Variants in APBA2 observed in about 807,000 individuals in gnomAD.
The protein encoded by APBA2 is amyloid beta precursor protein binding family A member 2.
A neutral mutation model predicts 75.0 loss-of-function variants in APBA2; 30 were observed. The observed-to-expected ratio is 0.40, with a 90% CI of 0.30 to 0.54. APBA2 has a LOEUF of 0.54. APBA2 is among the 20% of genes least tolerant of loss of function. The pLI is 0.49. For synonymous variants in APBA2, 444 were observed against 409.6 expected (o/e 1.08, Z -1.01); for missense variants, 801 against 1,016.1 (o/e 0.79, Z 2.88).
chr15:29,095,435 GAA>G (rs67934513), intron 8 of APBA2, among the ~76,000 whole-genome samples: 123,116 of 150,740 alleles, frequency 0.82, 54,860 homozygotes, highest in Non-Finnish European at 0.98. Flanking sequence ...CATCTCAAAA[GAA>G]AAAAAAAAAG....
intron 2 of APBA2, among the ~76,000 whole-genome samples, chr15:28,988,417 C>T (rs1428547095): frequency 6.6e-6 from 1 of 152,042 alleles, no homozygotes; most frequent in Non-Finnish European, 1.5e-5. Flanking sequence ...GCGCCCGCCA[C>T]TGCACACAGC....
chr15:29,063,166 T>G (rs61275908), intron 4 of APBA2, among the ~76,000 whole-genome samples: 18 of 34,378 alleles, frequency 5.2e-4, no homozygotes, highest in Admixed American at 1.5e-3. Flanking sequence ...GTATGGGTGG[T>G]GCGGGGAGTT....
chr15:28,944,825 A>G (rs1327197064), intron 2 of APBA2, among the ~76,000 whole-genome samples: 1 of 152,240 alleles, frequency 6.6e-6, no homozygotes, highest in Non-Finnish European at 1.5e-5. Context: ...AGCCCTGCAG[A>G]AAGGTCCGGG....
At chr15:28,979,401 TC>T in intron 2 of APBA2, among the ~76,000 whole-genome samples, 1 of 152,210 alleles carries the variant, frequency 6.6e-6, no homozygotes, top group South Asian at 2.1e-4. Flanking sequence ...ATGTGTGTGG[TC>T]CTCCTAACGT....
At chr15:28,927,871 C>T (rs1380574681) in intron 2 of APBA2, among the ~76,000 whole-genome samples, 2 of 151,620 alleles carry the variant, frequency 1.3e-5, no homozygotes, top group African/African-American at 2.4e-5. Flanking sequence ...GGGCTGGGCG[C>T]GGTGGCTCAC....
intron 2 of APBA2, among the ~76,000 whole-genome samples, chr15:28,941,649 G>GGCA (rs1296369471): frequency 6.6e-6 from 1 of 152,236 alleles, no homozygotes; most frequent in Non-Finnish European, 1.5e-5. Flanking sequence ...TGTGGTCAGG[G>GGCA]GCACACAGGG....
chr15:28,963,261 C>T (rs2036569521), intron 2 of APBA2, among the ~76,000 whole-genome samples: 1 of 152,176 alleles, frequency 6.6e-6, no homozygotes, highest in Non-Finnish European at 1.5e-5. Context: ...GAGGGATGCC[C>T]TTCTGTTGGA....
chr15:28,937,696 G>A (rs1173623564), intron 2 of APBA2, among the ~76,000 whole-genome samples: 6 of 151,082 alleles, frequency 4.0e-5, no homozygotes, highest in Admixed American at 1.3e-4. Context: ...TCACTCTGTC[G>A]CCCAGGCTGG....
intron 1 of APBA2, among the ~76,000 whole-genome samples, chr15:28,903,217 G>T (rs150693873): frequency 1.3e-5 from 2 of 152,314 alleles, no homozygotes; most frequent in Non-Finnish European, 2.9e-5. Context: ...TTGATCCCCT[G>T]ATCAGCCCCT....
intron 5 of APBA2, among the ~76,000 whole-genome samples, chr15:29,075,636 C>T (rs530021103): frequency 6.6e-6 from 1 of 152,346 alleles, no homozygotes; most frequent in African/African-American, 2.4e-5. Flanking sequence ...GAAGTTATTT[C>T]CCCTTTCTGG....
chr15:29,067,029 A>G (rs1404418896), intron 4 of APBA2, among the ~76,000 whole-genome samples: 9 of 152,264 alleles, frequency 5.9e-5, no homozygotes. Flanking sequence ...AGCACTTCAC[A>G]TGGTGAGAAT....
chr15:29,114,962 TGGGTGTGAGGCATG>T (rs1247864575), intron 14 of APBA2, among the ~76,000 whole-genome samples: 18 of 148,754 alleles, frequency 1.2e-4, no homozygotes, highest in African/African-American at 4.2e-4. Flanking sequence ...GGTCTGTGAG[TGGGTGTGAGGCATG>T]GGGTGTGAGG....
intron 3 of APBA2, among the ~76,000 whole-genome samples, chr15:29,008,799 G>A (rs756133428): frequency 6.6e-6 from 1 of 152,172 alleles, no homozygotes; most frequent in South Asian, 2.1e-4. Flanking sequence ...ACAGTCATTC[G>A]TGCCCCTGAG....
chr15:28,957,556 A>G (rs1317241714), intron 2 of APBA2, among the ~76,000 whole-genome samples: 1 of 151,796 alleles, frequency 6.6e-6, no homozygotes, highest in East Asian at 1.9e-4. Context: ...CCTCACCAAC[A>G]CTTGTTATTT....
At chr15:29,038,073 CT>C (rs1179704749) in intron 3 of APBA2, among the ~76,000 whole-genome samples, 1 of 152,230 alleles carries the variant, frequency 6.6e-6, no homozygotes, top group African/African-American at 2.4e-5. Flanking sequence ...GCCCAGTCCA[CT>C]CTCTGGCTGG....
At chr15:28,935,530 G>A (rs1279842904) in intron 2 of APBA2, among the ~76,000 whole-genome samples, 1 of 152,226 alleles carries the variant, frequency 6.6e-6, no homozygotes, top group East Asian at 1.9e-4. Context: ...AACAGAGGAA[G>A]TAGAGGTATC....
intron 3 of APBA2, among the ~76,000 whole-genome samples, chr15:29,036,179 C>A (rs2040741944): frequency 6.6e-6 from 1 of 152,196 alleles, no homozygotes; most frequent in Admixed American, 6.5e-5. Context: ...CCAGCCACAC[C>A]TCCTTGCCCA....
intron 2 of APBA2, among the ~76,000 whole-genome samples, chr15:28,963,870 A>T (rs2036599829): frequency 6.6e-6 from 1 of 152,080 alleles, no homozygotes; most frequent in South Asian, 2.1e-4. Context: ...AACTAGTCAG[A>T]CTCCAGTAGT....
intron 1 of APBA2, among the ~76,000 whole-genome samples, chr15:28,891,622 C>T (rs2032135171): frequency 6.6e-6 from 1 of 152,138 alleles, no homozygotes; most frequent in Admixed American, 6.5e-5. Context: ...TTCCGTTTTG[C>T]ACTTGAAGCC....
Sources: gnomAD v4.1 joint callset for allele counts (sites outside exome capture counted in the v4.1 genomes callset) on GRCh38, gnomAD v4.1.1 for gene constraint, MANE v1.5 for transcripts, NCBI Gene and HGNC (gene_info 2026-07-23, HGNC 2026-07-21) for gene names.